The following DNAH2 variants were observed in gnomAD, a reference collection of about 807,000 sequenced individuals.
The protein encoded by DNAH2 is axonemal beta dynein heavy chain 2.
DNAH2 carries 323 observed loss-of-function variants against 523.5 expected under a neutral mutation model. The ratio of observed to expected loss-of-function variants is 0.62; its 90% CI spans 0.56 to 0.68. DNAH2 has a LOEUF of 0.68. Among genes scored for constraint, DNAH2 ranks in the 30% least tolerant of loss-of-function variants. DNAH2 has a pLI of 0.00. For synonymous variants in DNAH2, 2,093 were observed against 2,177.4 expected, an observed-to-expected ratio of 0.96 and a Z score of 1.08; for missense variants, 4,907 against 5,701.5, an observed-to-expected ratio of 0.86 and a Z score of 4.49.
chr17:7,743,234 A>G, intron 12 of DNAH2, 92 bp downstream of exon 12: 1 of 1,267,394 alleles, frequency 7.9e-7, no homozygotes, highest in Non-Finnish European at 1.1e-6. Context: ...TCTCTTCATT[A>G]TTCTCTCTCT....
rs773070889 is a variant in DNAH2 at position 7,774,873 on chromosome 17, A to G, written c.4616A>G (p.Asn1539Ser). 60 of 1,614,104 alleles carry G rather than the reference A, an allele frequency of 3.7e-5. No individual in the cohort carries two copies. Among genetic ancestry groups the G allele is most frequent in the South Asian group, 1.5e-4 (14 of 91,084 alleles). ...HIFPRFYFLS[N>S]DDLLEILGQS... is the part of the protein sequence containing the mutation. ...TTCCCCCGCTTCTACTTCTTGTCCA[A>G]TGATGACCTGCTGGAGATTCTGGGC... is the stretch of plus-strand genomic sequence containing the variant. Residue 1539 changes from asparagine to serine, a missense_variant, in exon 29 of 86, where the codon AAT becomes AGT. Asn to Ser is a conservative substitution (Grantham distance 46). Coordinates refer to ENST00000572933, the MANE Select transcript of DNAH2 (RefSeq NM_020877.5).
chr17:7,778,832 G>A, intron 35 of DNAH2, among the ~76,000 whole-genome samples: 1 of 152,100 alleles, frequency 6.6e-6, no homozygotes, highest in East Asian at 1.9e-4. Flanking sequence ...GCCTCCCAAA[G>A]TGCTGGGATT....
rs201655659 is a variant in DNAH2 at position 7,798,736 on chromosome 17, C to A, written c.8559+18C>A. 1 of 1,605,102 alleles carries A rather than the reference C, an allele frequency of 6.2e-7. No homozygotes were observed. Among genetic ancestry groups the A allele is most frequent in the Non-Finnish European group, 8.5e-7 (1 of 1,176,272 alleles). On this transcript the variant is annotated intron_variant, in intron 55 of 85. Transcript: ENST00000572933. The surrounding 1 kb of genome is among the most constrained non-coding windows in gnomAD (Gnocchi z 5.5). ...TTGAAGAGGTAGGATTCCTTCCACA[C>A]CCTTGACCAGTCAGTTCTTTGGCCT...
At position 7,796,574 on chromosome 17, in the gene DNAH2, G is replaced by C. The variant is rs144807499; in HGVS notation, c.7785G>C (p.Met2595Ile). Residue 2595 changes from methionine to isoleucine, a missense_variant, in exon 50 of 86, where the codon ATG becomes ATC. Met to Ile is a conservative substitution (Grantham distance 10). This residue lies in a region of DNAH2 where 250 missense variants were observed against 371.3 expected (regional missense o/e 0.67). Coordinates refer to ENST00000572933, the MANE Select transcript of DNAH2 (RefSeq NM_020877.5). ...TGGTGACAGAGGCCACCCTGGACAT[G>C]TACAACACCGTGGTACAGCGCTTCC... ...GNVVTEATLD[M>I]YNTVVQRFLP... 6.8e-6 allele frequency: 11 copies of C among 1,613,520 alleles called. No homozygotes were observed. The African/African-American group carries it at 1.2e-4, about 18-fold the overall frequency.
At position 7,821,026 on chromosome 17, in the gene DNAH2, C is replaced by T. The variant is rs911673118; in HGVS notation, c.11016-217C>T. Among the ~76,000 whole-genome samples, 10 of 151,944 alleles carry T rather than the reference C, an allele frequency of 6.6e-5. No individual in the cohort carries two copies. The highest frequency in any genetic ancestry group is 1.7e-4 in the African/African-American group (7 of 41,346). ...GGTACTCCAGCCTAGGTGACAAGAGCGAAACTCTGTCTCAAAAAGTAATAA... is the reference window on the plus strand; with the variant it reads ...GGTACTCCAGCCTAGGTGACAAGAGTGAAACTCTGTCTCAAAAAGTAATAA... On this transcript the variant is annotated intron_variant, in intron 72 of 85. Transcript: ENST00000572933. The surrounding 1 kb of genome is among the most constrained non-coding windows in gnomAD (Gnocchi z 5.0).
At chr17:7,750,737 AC>A (rs1181699851) in intron 12 of DNAH2, among the ~76,000 whole-genome samples, 1 of 152,224 alleles carries the variant, frequency 6.6e-6, no homozygotes, top group Admixed American at 6.5e-5. Context: ...TTTTAAAAAT[AC>A]CACATACGTT....
intron 74 of DNAH2, 45 bp downstream of exon 74, chr17:7,823,673 A>T (rs771050753): frequency 6.2e-7 from 1 of 1,600,820 alleles, no homozygotes; most frequent in Non-Finnish European, 8.5e-7. Flanking sequence ...CCTTCCCTCC[A>T]TTCAGCCACA....
At chr17:7,812,747 CCTGT>C (rs2077550737) in intron 63 of DNAH2, among the ~76,000 whole-genome samples, 1 of 138,164 alleles carries the variant, frequency 7.2e-6, no homozygotes, top group Non-Finnish European at 1.5e-5. Context: ...ATGGTGAAAC[CCTGT>C]CTCTACTAAA....
intron 77 of DNAH2, among the ~76,000 whole-genome samples, chr17:7,827,512 C>A (rs2078052229): frequency 6.6e-6 from 1 of 152,024 alleles, no homozygotes; most frequent in African/African-American, 2.4e-5. Context: ...GTGGCGTGAT[C>A]TCGGCTCACT....
Position 7,749,308 on chromosome 17 carries a change from C to CAAAAAAAAAAAAAAA in DNAH2, c.1904+6192_1904+6206dup. On this transcript the variant is annotated intron_variant, in intron 12 of 85. Transcript: ENST00000572933. ...GGGCAACAAGAGCTAAACTCCCCCC[C>CAAAAAAAAAAAAAAA]AAAAAAAAAAAAAAAAAAAAAAAAA... is the stretch of plus-strand genomic sequence containing the variant. Among the ~76,000 whole-genome samples, 165 of 17,768 alleles carry CAAAAAAAAAAAAAAA rather than the reference C, an allele frequency of 9.3e-3. 68 individuals are homozygous for CAAAAAAAAAAAAAAA. The highest frequency in any genetic ancestry group is 0.013 in the East Asian group (8 of 638). The allele number at this position is 17,768 out of a possible 152,430, so 11.7% of individuals were successfully genotyped here. A position where few individuals can be genotyped will look rare whatever the true frequency, so the allele number is the denominator to read the frequency against.
chr17:7,752,657 C>T (rs62062616), intron 12 of DNAH2, among the ~76,000 whole-genome samples: 14,922 of 152,086 alleles, frequency 0.098, 835 homozygotes, highest in Non-Finnish European at 0.11. Context: ...TTGCAGTGAG[C>T]TGAGATTGCG....
At chr17:7,731,733 A>T (rs914331872) in intron 4 of DNAH2, among the ~76,000 whole-genome samples, 4 of 152,074 alleles carry the variant, frequency 2.6e-5, no homozygotes, top group Non-Finnish European at 4.4e-5. Flanking sequence ...TTAAACTTTT[A>T]AAAAAATGGA....
intron 39 of DNAH2, among the ~76,000 whole-genome samples, chr17:7,785,729 C>T (rs60071843): frequency 0.21 from 32,213 of 152,068 alleles, 4,006 homozygotes; most frequent in Non-Finnish European, 0.28. Context: ...TGCAATAGGA[C>T]GAAATCTATT....
chr17:7,801,429 G>C, intron 56 of DNAH2, 149 bp from the exon 57 acceptor site: 2 of 1,131,532 alleles, frequency 1.8e-6, no homozygotes, highest in East Asian at 2.4e-5. Context: ...AACTAGCTCT[G>C]CAGGAACAGA....
chr17:7,797,372 C>G, intron 51 of DNAH2, 28 bp from the exon 52 acceptor site: 1 of 1,613,996 alleles, frequency 6.2e-7, no homozygotes, highest in Non-Finnish European at 8.5e-7. Flanking sequence ...CTTTATTCCC[C>G]GATCTCACCC....
In DNAH2 at chr17:7,786,158, T is replaced by A. The variant is rs2076726998; in HGVS notation, c.6164T>A (p.Met2055Lys). The A allele has an allele frequency of 3.1e-6, 5 of 1,613,946 alleles. No individual in the cohort carries two copies. The African/African-American group carries it at 6.7e-5, about 22-fold the overall frequency. ...ACCGTTGAGCAGGAGATTCGAGACA[T>A]GGGCCTGCAAAGCACGCCGTTCACC... Reference protein sequence around the residue: ...RETVEQEIRDMGLQSTPFTLT... With the variant: ...RETVEQEIRDKGLQSTPFTLT... The change falls in exon 40 of 86, where the codon ATG (methionine) becomes AAG (lysine). Residue 2055 changes from methionine (M) to lysine (K), a missense_variant. This residue lies in a region of DNAH2 where 2,806 missense variants were observed against 3,190.8 expected (regional missense o/e 0.88). Coordinates refer to ENST00000572933, the MANE Select transcript of DNAH2 (RefSeq NM_020877.5). This position sits in a 1 kb window ranked among gnomAD's most constrained non-coding sequence, Gnocchi z 7.5.
intron 50 of DNAH2, 84 bp downstream of exon 50, chr17:7,796,736 A>G: frequency 1.4e-6 from 2 of 1,447,646 alleles, no homozygotes; most frequent in East Asian, 2.3e-5. Flanking sequence ...CTTAACACTC[A>G]CTAGCATGCG....
At position 7,794,302 on chromosome 17, in the gene DNAH2, G is replaced by C. The variant is rs373413098; in HGVS notation, c.7618G>C (p.Val2540Leu). 93 of 1,610,266 alleles carry C rather than the reference G, an allele frequency of 5.8e-5. 1 individual carries two copies. The highest frequency in any genetic ancestry group is 7.0e-5 in the Non-Finnish European group (83 of 1,178,412). Residue 2540 changes from valine to leucine, a missense_variant, in exon 49 of 86, where the codon GTC (valine) becomes CTC (leucine). Val to Leu is a conservative substitution (Grantham distance 32). This residue lies in a region of DNAH2 where 250 missense variants were observed against 371.3 expected (regional missense o/e 0.67). Coordinates refer to ENST00000572933, the MANE Select transcript of DNAH2 (RefSeq NM_020877.5). Reference protein sequence around the residue: ...AMGPPGGGRTVISPRLRSRFN... With the variant: ...AMGPPGGGRTLISPRLRSRFN... Reference sequence around the variant, plus strand: ...GGGCCCCCCTGGGGGTGGACGGACTGTCATCTCCCCAAGGCTACGGAGTCG... The same window carrying C: ...GGGCCCCCCTGGGGGTGGACGGACTCTCATCTCCCCAAGGCTACGGAGTCG...
chr17:7,738,559 G>C (rs1160415709), intron 8 of DNAH2, among the ~76,000 whole-genome samples: 1 of 152,100 alleles, frequency 6.6e-6, no homozygotes, highest in Admixed American at 6.5e-5. Context: ...TCGATCTCCT[G>C]ACCTTGTGAT....
Sources: gnomAD v4.1 joint callset for allele counts (sites outside exome capture counted in the v4.1 genomes callset) on GRCh38, gnomAD v4.1.1 for gene constraint, gnomAD v4.1.1 regional missense constraint, Gnocchi (gnomAD v3.1) non-coding constraint, MANE v1.5 for transcripts, NCBI Gene and HGNC (gene_info 2026-07-23, HGNC 2026-07-21) for gene names.